EXOC6B: variants seen among roughly 807,000 people sequenced by gnomAD.
EXOC6B encodes the protein SEC15 homolog B.
Under a neutral mutation model 113.5 loss-of-function variants are expected in EXOC6B, and 54 were observed. That is an observed-to-expected ratio of 0.48 (90% CI 0.38 to 0.60). The LOEUF (loss-of-function observed/expected upper bound fraction) is 0.60, where lower values mean the gene tolerates loss of function less well. Ranked by LOEUF, EXOC6B falls within the 20% of genes least tolerant of loss-of-function variation. The pLI is 0.00. For missense variants in EXOC6B, 797 were observed against 977.5 expected (o/e 0.82, Z 2.46); for synonymous variants, 357 against 339.0 (o/e 1.05, Z -0.58).
chr2:72,359,846 G>A (rs1690197631), intron 19 of EXOC6B, among the ~76,000 whole-genome samples: 3 of 152,048 alleles, frequency 2.0e-5, no homozygotes, highest in Admixed American at 6.6e-5. Flanking sequence ...TAAATGGCTT[G>A]GTGCCCTCCC....
In EXOC6B at chr2:72,264,826, T is replaced by C. The variant is rs371792655; in HGVS notation, c.2196+70121A>G. On this transcript the variant is annotated intron_variant, in intron 20 of 21. Transcript: ENST00000272427. ...TCTCTCCTACTGCCTTGTGAAGAGG[T>C]GCTTTCCTCTATGATCATAAATTTC... Among the ~76,000 whole-genome samples, 193 of 152,106 alleles carry C rather than the reference T, an allele frequency of 1.3e-3. 1 individual carries two copies. Among genetic ancestry groups the C allele is most frequent in the Middle Eastern group, 6.8e-3 (2 of 294 alleles).
At chr2:72,595,522 C>T (rs1670031877) in intron 6 of EXOC6B, among the ~76,000 whole-genome samples, 1 of 151,336 alleles carries the variant, frequency 6.6e-6, no homozygotes, top group African/African-American at 2.4e-5. Context: ...AAAGAAGAGA[C>T]ACAACATGCT....
chr2:72,624,630 T>C (rs966637306), intron 6 of EXOC6B, among the ~76,000 whole-genome samples: 2 of 152,044 alleles, frequency 1.3e-5, no homozygotes. Flanking sequence ...TCTATAGTAC[T>C]AGCTACTCAG....
intron 6 of EXOC6B, among the ~76,000 whole-genome samples, chr2:72,711,858 A>T (rs1390358142): frequency 6.6e-6 from 1 of 152,136 alleles, no homozygotes; most frequent in Non-Finnish European, 1.5e-5. Flanking sequence ...GTCAGGTGGG[A>T]CAGAACAGGA....
chr2:72,350,826 T>A (rs1689608789), intron 19 of EXOC6B, among the ~76,000 whole-genome samples: 1 of 152,198 alleles, frequency 6.6e-6, no homozygotes, highest in South Asian at 2.1e-4. Flanking sequence ...ATAAGCAACT[T>A]CTTTCCATGA....
In EXOC6B at chr2:72,567,327, T is replaced by C. The variant is rs80135184; in HGVS notation, c.847-7806A>G. ...AGAAATCTTGAACTTAATAACTTTA[T>C]TGCTTTTAGTGACATTTGCATAATT... On this transcript the variant is annotated intron_variant, in intron 7 of 21. Transcript: ENST00000272427. Among the ~76,000 whole-genome samples the C allele has an allele frequency of 1.1e-4, 16 of 152,176 alleles. No individual in the cohort carries two copies. The East Asian group carries it at 3.1e-3, about 29-fold the overall frequency.
intron 6 of EXOC6B, among the ~76,000 whole-genome samples, chr2:72,607,170 T>C (rs1670805866): frequency 6.6e-6 from 1 of 152,214 alleles, no homozygotes; most frequent in East Asian, 1.9e-4. Context: ...CAAATAAGGT[T>C]AGATTTGAAC....
intron 18 of EXOC6B, among the ~76,000 whole-genome samples, chr2:72,411,794 G>A (rs956350088): frequency 5.3e-5 from 8 of 151,992 alleles, no homozygotes; most frequent in East Asian, 1.9e-4. Flanking sequence ...GGTGATTCCC[G>A]CAAAAATGAG....
At chr2:72,779,766 T>G (rs1683918950) in intron 1 of EXOC6B, among the ~76,000 whole-genome samples, 2 of 152,162 alleles carry the variant, frequency 1.3e-5, no homozygotes. Flanking sequence ...CCTAAGATTA[T>G]AATAACTGAA....
chr2:72,468,585 A>G (rs1156562422), intron 17 of EXOC6B, among the ~76,000 whole-genome samples: 3 of 152,196 alleles, frequency 2.0e-5, no homozygotes, highest in Non-Finnish European at 4.4e-5. Flanking sequence ...TGATGCTTCC[A>G]GCTTTGTTCT....
chr2:72,475,468 A>T (rs1698678610), intron 17 of EXOC6B, among the ~76,000 whole-genome samples: 1 of 152,080 alleles, frequency 6.6e-6, no homozygotes, highest in Non-Finnish European at 1.5e-5. Flanking sequence ...TCATGTGGGT[A>T]GGCCCGACCT....
chr2:72,823,268 G>A (rs778360300), intron 1 of EXOC6B, among the ~76,000 whole-genome samples: 2 of 149,882 alleles, frequency 1.3e-5, no homozygotes, highest in Non-Finnish European at 3.0e-5. Context: ...TTTTTTTACA[G>A]TGTCCCCTTA....
At chr2:72,401,649 ATATATATATATATATATG>A (rs1366715978) in intron 18 of EXOC6B, among the ~76,000 whole-genome samples, 4 of 54,348 alleles carry the variant, frequency 7.4e-5, no homozygotes, top group African/African-American at 1.3e-4. Context: ...ATATATACAT[ATATATATATATATATATG>A]TATATATATA....
intron 8 of EXOC6B, among the ~76,000 whole-genome samples, chr2:72,530,217 T>G (rs1308851044): frequency 6.6e-6 from 1 of 152,196 alleles, no homozygotes; most frequent in African/African-American, 2.4e-5. Flanking sequence ...GATGTCAGCT[T>G]ACATTATTCG....
intron 18 of EXOC6B, among the ~76,000 whole-genome samples, chr2:72,399,016 A>AG (rs914438480): frequency 1.0e-4 from 15 of 149,722 alleles, no homozygotes; most frequent in Non-Finnish European, 2.0e-4. Context: ...AAAGAAAAAA[A>AG]AAAAAAGAAA....
In EXOC6B at chr2:72,492,363, G is replaced by A. The variant is rs1190169193; in HGVS notation, c.1620C>T (p.Asn540=). ...TNLLLTRTLS[N]SLQNVIKRKN... ...TCCTTTTAATTACATTCTGCAGAGA[G>A]TTGCTCAGAGTCCTGGTTAGCAACA... The change falls in exon 16 of 22, where the codon AAC becomes AAT. Residue 540 remains asparagine (N), a synonymous_variant. Transcript: ENST00000272427. The A allele has an allele frequency of 1.2e-6, 2 of 1,612,926 alleles. No homozygotes were observed. The highest frequency in any genetic ancestry group is 2.2e-5 in the South Asian group (2 of 91,040).
intron 20 of EXOC6B, among the ~76,000 whole-genome samples, chr2:72,260,616 C>A (rs1430843936): frequency 6.6e-6 from 1 of 152,154 alleles, no homozygotes; most frequent in African/African-American, 2.4e-5. Context: ...CCAGAAGACT[C>A]CGGCAAGGGG....
At chr2:72,288,978 C>A in intron 20 of EXOC6B, 1 of 244,554 alleles carries the variant, frequency 4.1e-6, no homozygotes, top group South Asian at 5.9e-5. Context: ...CTGTGCAACT[C>A]AAAGATCTAG....
intron 6 of EXOC6B, among the ~76,000 whole-genome samples, chr2:72,578,298 A>G (rs1704998059): frequency 6.6e-6 from 1 of 152,130 alleles, no homozygotes; most frequent in African/African-American, 2.4e-5. Context: ...GATTTAAACA[A>G]GTCTAAACTT....
Sources: gnomAD v4.1 joint callset for allele counts (sites outside exome capture counted in the v4.1 genomes callset) on GRCh38, gnomAD v4.1.1 for gene constraint, MANE v1.5 for transcripts, NCBI Gene and HGNC (gene_info 2026-07-23, HGNC 2026-07-21) for gene names.